The following CPED1 variants were observed in gnomAD, a reference collection of about 807,000 sequenced individuals.
CPED1 encodes the protein cadherin-like and PC-esterase domain-containing protein 1.
In CPED1, 114 loss-of-function variants were observed where a neutral mutation model predicts 128.2. That is an observed-to-expected ratio of 0.89 (90% CI 0.76 to 1.04). The LOEUF (loss-of-function observed/expected upper bound fraction) is 1.04, where lower values mean the gene tolerates loss of function less well. Among genes scored for constraint, CPED1 ranks in the 50% least tolerant of loss-of-function variants. The probability of loss-of-function intolerance (pLI) is 0.00; values close to 1 mark genes in which losing one functional copy is unlikely to be tolerated. For missense variants in CPED1, 1,211 were observed against 1,207.1 expected (o/e 1.00, Z -0.05); for synonymous variants, 462 against 426.7 (o/e 1.08, Z -1.02).
intron 13 of CPED1, 90 bp from the exon 14 acceptor site, chr7:121,135,950 G>T: frequency 1.0e-6 from 1 of 996,014 alleles, no homozygotes; most frequent in Admixed American, 3.6e-5. Context: ...TGAAAAACAT[G>T]TTTTATTAAG....
intron 16 of CPED1, among the ~76,000 whole-genome samples, chr7:121,151,847 T>G (rs1247922373): frequency 3.4e-5 from 5 of 145,210 alleles, no homozygotes; most frequent in Non-Finnish European, 7.6e-5. Flanking sequence ...TAGGTAATGC[T>G]GAGAAAATTT....
chr7:121,133,001 C>T (rs1456890093), intron 12 of CPED1, among the ~76,000 whole-genome samples: 2 of 152,004 alleles, frequency 1.3e-5, no homozygotes, highest in Admixed American at 6.6e-5. Flanking sequence ...TTACAGTACG[C>T]AGCACAATAT....
intron 18 of CPED1, among the ~76,000 whole-genome samples, chr7:121,259,551 T>C (rs1791963799): frequency 6.6e-6 from 1 of 152,082 alleles, no homozygotes; most frequent in Non-Finnish European, 1.5e-5. Context: ...AAATGATATG[T>C]TCACACATTT....
At chr7:121,162,428 G>A (rs952497017) in intron 16 of CPED1, among the ~76,000 whole-genome samples, 6 of 152,112 alleles carry the variant, frequency 3.9e-5, no homozygotes, top group Admixed American at 6.5e-5. Context: ...ATCAGATTCC[G>A]CACAGAGAAC....
chr7:121,161,316 G>A (rs1017551503), intron 16 of CPED1, among the ~76,000 whole-genome samples: 1 of 152,138 alleles, frequency 6.6e-6, no homozygotes, highest in Non-Finnish European at 1.5e-5. Context: ...GAGGGTTAAG[G>A]TCCTTGTTTC....
At chr7:121,232,714 A>G (rs1798165649) in intron 16 of CPED1, among the ~76,000 whole-genome samples, 1 of 152,062 alleles carries the variant, frequency 6.6e-6, no homozygotes, top group Non-Finnish European at 1.5e-5. Flanking sequence ...ACTTACTGGA[A>G]ATGGCAGTAG....
chr7:121,116,985 C>T (rs1410137543), intron 7 of CPED1, among the ~76,000 whole-genome samples: 1 of 148,574 alleles, frequency 6.7e-6, no homozygotes, highest in Non-Finnish European at 1.5e-5. Flanking sequence ...TATACACACA[C>T]ACACACATAT....
intron 16 of CPED1, among the ~76,000 whole-genome samples, chr7:121,157,818 A>T (rs1796324686): frequency 6.6e-6 from 1 of 152,170 alleles, no homozygotes; most frequent in Admixed American, 6.5e-5. Flanking sequence ...AATAAAGTGA[A>T]TGAATAAAAT....
At chr7:121,203,992 G>A (rs1207320877) in intron 16 of CPED1, among the ~76,000 whole-genome samples, 1 of 152,008 alleles carries the variant, frequency 6.6e-6, no homozygotes, top group Non-Finnish European at 1.5e-5. Flanking sequence ...ACTCAGTGAG[G>A]GTTCCCAACC....
At chr7:121,063,099 A>G (rs1793721681) in intron 4 of CPED1, among the ~76,000 whole-genome samples, 1 of 152,160 alleles carries the variant, frequency 6.6e-6, no homozygotes, top group South Asian at 2.1e-4. Context: ...GCAGAATCAC[A>G]ATAATAGGTT....
chr7:121,056,282 A>G (rs551645579), intron 4 of CPED1, among the ~76,000 whole-genome samples: 2 of 152,192 alleles, frequency 1.3e-5, no homozygotes, highest in Non-Finnish European at 2.9e-5. Context: ...TCATACATGT[A>G]TGTTAGTTCT....
chr7:121,025,261 G>A (rs1228006815), intron 3 of CPED1, among the ~76,000 whole-genome samples: 1 of 151,794 alleles, frequency 6.6e-6, no homozygotes, highest in African/African-American at 2.4e-5. Context: ...TTTTTTCTTA[G>A]CAATCTCTCC....
chr7:121,271,378 T>A lies in CPED1; in HGVS notation c.2816T>A (p.Met939Lys). The stretch of plus-strand genomic sequence containing the variant: ...GTAGTTGACACATTCACTATAACAA[T>A]GGGGCGTTACAAAGAGTTTCTACAG... ...YEVVDTFTITMGRYKEFLQGK... is the reference protein window; with the variant it reads ...YEVVDTFTITKGRYKEFLQGK... Residue 939 changes from methionine (M) to lysine (K), a missense_variant, in exon 22 of 23, where the codon ATG becomes AAG. Physicochemically the swap from Met to Lys is moderately conservative, Grantham distance 95. Coordinates refer to ENST00000310396, the MANE Select transcript of CPED1 (RefSeq NM_024913.5). 6.2e-7 allele frequency: 1 copy of A among 1,612,918 alleles called. No homozygotes were observed. The highest frequency in any genetic ancestry group is 8.5e-7 in the Non-Finnish European group (1 of 1,179,204).
At chr7:121,266,904 A>G (rs2116747342) in intron 20 of CPED1, 96 bp downstream of exon 20, 1 of 863,676 alleles carries the variant, frequency 1.2e-6, no homozygotes, top group Non-Finnish European at 1.9e-6. Flanking sequence ...TTAAAGAACA[A>G]CTTATAATTT....
intron 16 of CPED1, among the ~76,000 whole-genome samples, chr7:121,167,546 A>T (rs1344167935): frequency 6.6e-6 from 1 of 152,170 alleles, no homozygotes; most frequent in Non-Finnish European, 1.5e-5. Context: ...TCACAGCATA[A>T]AGTCTGCTTG....
intron 22 of CPED1, among the ~76,000 whole-genome samples, chr7:121,291,785 G>A (rs1470288309): frequency 1.3e-5 from 2 of 151,948 alleles, no homozygotes; most frequent in Admixed American, 6.6e-5. Flanking sequence ...ATTTGAATAC[G>A]CTTTATTTCT....
intron 4 of CPED1, among the ~76,000 whole-genome samples, chr7:121,054,307 C>T (rs988364751): frequency 2.6e-5 from 4 of 152,296 alleles, no homozygotes; most frequent in African/African-American, 9.6e-5. Flanking sequence ...TTTATTATAG[C>T]CTTCTGCTGT....
At chr7:121,102,830 G>A (rs796535875) in intron 7 of CPED1, among the ~76,000 whole-genome samples, 2 of 151,986 alleles carry the variant, frequency 1.3e-5, no homozygotes, top group South Asian at 2.1e-4. Context: ...ATCCCTGACC[G>A]TGGCTACCAC....
chr7:121,226,717 G>C (rs1206296290), intron 16 of CPED1, among the ~76,000 whole-genome samples: 1 of 152,036 alleles, frequency 6.6e-6, no homozygotes, highest in East Asian at 1.9e-4. Flanking sequence ...TACATAAATT[G>C]CTCTCTTCTT....
Sources: allele counts gnomAD v4.1 joint callset (sites outside exome capture counted in the v4.1 genomes callset), GRCh38; gene constraint gnomAD v4.1.1; transcripts MANE v1.5; gene names NCBI Gene and HGNC (gene_info 2026-07-23, HGNC 2026-07-21).